Variants in EYA2 observed in about 807,000 individuals in gnomAD.
EYA2 encodes EYA transcriptional coactivator and phosphatase 2, also known as protein phosphatase EYA2.
In EYA2, 31 loss-of-function variants were observed where a neutral mutation model predicts 69.2. The observed-to-expected ratio is 0.45, with a 90% CI of 0.34 to 0.60. The LOEUF is 0.60. Ranked by LOEUF, EYA2 falls within the 20% of genes least tolerant of loss-of-function variation. The pLI, the probability that EYA2 is intolerant of heterozygous loss-of-function variation, is 0.02. For synonymous variants in EYA2, 257 were observed against 279.4 expected, an observed-to-expected ratio of 0.92 and a Z score of 0.80; for missense variants, 622 against 701.2, an observed-to-expected ratio of 0.89 and a Z score of 1.28.
chr20:46,900,491 T>C (rs1984045594), intron 1 of EYA2, among the ~76,000 whole-genome samples: 1 of 152,254 alleles, frequency 6.6e-6, no homozygotes, highest in Non-Finnish European at 1.5e-5. Context: ...TTGGGTTTCA[T>C]GGTAAGATGT....
intron 4 of EYA2, 109 bp downstream of exon 4, chr20:47,005,193 T>A: frequency 7.8e-7 from 1 of 1,287,670 alleles, no homozygotes; most frequent in East Asian, 2.4e-5. Context: ...ACCAAGCTGA[T>A]TTTGGATTAG....
intron 15 of EYA2, among the ~76,000 whole-genome samples, chr20:47,184,455 G>C (rs545734194): frequency 6.5e-4 from 92 of 142,192 alleles, no homozygotes; most frequent in African/African-American, 2.1e-3. Context: ...TCTCACTCTG[G>C]CACCTAGGCT....
intron 2 of EYA2, among the ~76,000 whole-genome samples, chr20:46,999,565 T>A (rs933734462): frequency 6.6e-6 from 1 of 152,252 alleles, no homozygotes; most frequent in Non-Finnish European, 1.5e-5. Context: ...GGTTACACAA[T>A]TCCTTCTTAC....
chr20:46,939,875 C>T (rs934587249), intron 1 of EYA2, among the ~76,000 whole-genome samples: 8 of 152,116 alleles, frequency 5.3e-5, no homozygotes, highest in Non-Finnish European at 2.9e-5. Flanking sequence ...CTCTCTAAGC[C>T]TCAGTTTACT....
chr20:47,140,010 G>C (rs2033561687), intron 9 of EYA2, among the ~76,000 whole-genome samples: 2 of 152,092 alleles, frequency 1.3e-5, no homozygotes, highest in African/African-American at 2.4e-5. Flanking sequence ...TTCCTTCTCT[G>C]TGTGCTGGCC....
chr20:47,074,308 C>T lies in EYA2; in HGVS notation c.634C>T (p.Pro212Ser), dbSNP rs754151844. 1.2e-6 allele frequency: 2 copies of T among 1,614,076 alleles called. No individual in the cohort carries two copies. The highest frequency in any genetic ancestry group is 1.1e-5 in the South Asian group (1 of 91,064). The change falls in exon 7 of 16, where the codon CCC becomes TCC. Residue 212 changes from proline (P) to serine (S), a missense_variant. Coordinates refer to ENST00000327619, the MANE Select transcript of EYA2 (RefSeq NM_005244.5). Reference protein sequence around the residue: ...YVLQEASHNVPNQSSESLAGE... With the variant: ...YVLQEASHNVSNQSSESLAGE... ...CCTCCAGGAGGCATCTCACAACGTCCCCAACCAGAGTTCCGAGTCACTTGC... is the reference window on the plus strand; with the variant it reads ...CCTCCAGGAGGCATCTCACAACGTCTCCAACCAGAGTTCCGAGTCACTTGC...
At chr20:47,161,395 G>A in intron 10 of EYA2, 1 of 419,948 alleles carries the variant, frequency 2.4e-6, no homozygotes, top group Non-Finnish European at 4.5e-6. Context: ...TTTTGTACTG[G>A]CATGATCTTC....
At chr20:47,087,054 A>C (rs1418071334) in intron 7 of EYA2, among the ~76,000 whole-genome samples, 1 of 152,086 alleles carries the variant, frequency 6.6e-6, no homozygotes, top group African/African-American at 2.4e-5. Flanking sequence ...GTCTTTGCTC[A>C]CTCAATGTTT....
intron 1 of EYA2, among the ~76,000 whole-genome samples, chr20:46,927,021 CTG>C (rs972620056): frequency 1.3e-4 from 20 of 152,186 alleles, no homozygotes; most frequent in Non-Finnish European, 2.5e-4. Flanking sequence ...GCATGGGGTG[CTG>C]TGTCATGGGC....
At chr20:46,924,148 ATTAAT>A (rs1265890955) in intron 1 of EYA2, among the ~76,000 whole-genome samples, 1 of 152,144 alleles carries the variant, frequency 6.6e-6, no homozygotes, top group South Asian at 2.1e-4. Context: ...TTTTAGGTAT[ATTAAT>A]TTAAGTTTAT....
intron 8 of EYA2, among the ~76,000 whole-genome samples, chr20:47,093,490 T>C (rs2032149604): frequency 6.6e-6 from 1 of 152,282 alleles, no homozygotes; most frequent in Non-Finnish European, 1.5e-5. Flanking sequence ...GCTCTGCGGC[T>C]CCTGCTGCCC....
chr20:47,036,343 G>T (rs1225306280), intron 5 of EYA2, among the ~76,000 whole-genome samples: 1 of 152,166 alleles, frequency 6.6e-6, no homozygotes, highest in Non-Finnish European at 1.5e-5. Flanking sequence ...ACTCCCTGAT[G>T]AACAAAGTAT....
chr20:47,031,242 CAA>C (rs1228393462), intron 5 of EYA2, among the ~76,000 whole-genome samples: 28 of 152,166 alleles, frequency 1.8e-4, no homozygotes, highest in Non-Finnish European at 3.1e-4. Flanking sequence ...CCATGGGTCA[CAA>C]GTGTCGCCAG....
At chr20:47,040,702 G>A (rs1344565706) in intron 5 of EYA2, among the ~76,000 whole-genome samples, 1 of 152,156 alleles carries the variant, frequency 6.6e-6, no homozygotes, top group African/African-American at 2.4e-5. Context: ...GAGACATCAA[G>A]CAAGTTGCTT....
intron 1 of EYA2, among the ~76,000 whole-genome samples, chr20:46,957,550 C>CAA (rs1173231262): frequency 4.7e-5 from 7 of 149,526 alleles, no homozygotes; most frequent in Non-Finnish European, 8.9e-5. Flanking sequence ...CACACACACA[C>CAA]ACACACACAC....
intron 9 of EYA2, among the ~76,000 whole-genome samples, chr20:47,134,478 C>G (rs1433082359): frequency 6.6e-6 from 1 of 152,154 alleles, no homozygotes; most frequent in African/African-American, 2.4e-5. Context: ...ATGTTCCAGG[C>G]ATGGTTTTAA....
chr20:47,005,769 C>A (rs59052914), intron 4 of EYA2, among the ~76,000 whole-genome samples: 8,095 of 152,280 alleles, frequency 0.053, 649 homozygotes, highest in African/African-American at 0.17. Context: ...ACCTCCAGCC[C>A]TTGACTGTTC....
intron 1 of EYA2, among the ~76,000 whole-genome samples, chr20:46,957,242 C>G (rs1026083056): frequency 6.6e-6 from 1 of 152,178 alleles, no homozygotes; most frequent in Non-Finnish European, 1.5e-5. Flanking sequence ...TACTGTACCC[C>G]TTCCTCCTTC....
chr20:47,106,745 C>G (rs971154596), intron 9 of EYA2, among the ~76,000 whole-genome samples: 1 of 152,076 alleles, frequency 6.6e-6, no homozygotes, highest in Non-Finnish European at 1.5e-5. Flanking sequence ...CTCTGAAAAC[C>G]CCCTTCCATC....
Sources: gnomAD v4.1 joint callset for allele counts (sites outside exome capture counted in the v4.1 genomes callset) on GRCh38, gnomAD v4.1.1 for gene constraint, MANE v1.5 for transcripts, NCBI Gene and HGNC (gene_info 2026-07-23, HGNC 2026-07-21) for gene names.